Variants in RAB3IP observed in about 807,000 individuals in gnomAD.
The protein encoded by RAB3IP is RAB3A interacting protein, also known as rab-3A-interacting protein.
In RAB3IP, 36 loss-of-function variants were observed where a neutral mutation model predicts 59.1. The observed-to-expected ratio is 0.61, with a 90% CI of 0.47 to 0.80. The LOEUF (loss-of-function observed/expected upper bound fraction) is 0.80. RAB3IP is among the 30% of genes least tolerant of loss of function. The probability of loss-of-function intolerance (pLI) is 0.00; values close to 1 mark genes in which losing one functional copy is unlikely to be tolerated. For missense variants in RAB3IP, 511 were observed against 536.0 expected, an observed-to-expected ratio of 0.95 and a Z score of 0.46; for synonymous variants, 207 against 191.2, an observed-to-expected ratio of 1.08 and a Z score of -0.68.
At chr12:69,747,323 TGTGTGTGTGA>T (rs575336540) in intron 1 of RAB3IP, among the ~76,000 whole-genome samples, 245 of 145,396 alleles carry the variant, frequency 1.7e-3, no homozygotes, top group Middle Eastern at 7.1e-3. Context: ...TGTGTGTGTG[TGTGTGTGTGA>T]GAGAGAGAGA....
intron 4 of RAB3IP, 159 bp downstream of exon 4, chr12:69,784,974 A>G: frequency 2.7e-6 from 1 of 375,680 alleles, no homozygotes; most frequent in Non-Finnish European, 4.9e-6. Flanking sequence ...AGAGTTTACA[A>G]CTTAAGATGA....
intron 8 of RAB3IP, among the ~76,000 whole-genome samples, chr12:69,808,939 A>G (rs1283801017): frequency 6.6e-6 from 1 of 151,776 alleles, no homozygotes; most frequent in Non-Finnish European, 1.5e-5. Flanking sequence ...TGATCCTGTC[A>G]TTATGATGTT....
chr12:69,807,441 C>T (rs1252364970), intron 8 of RAB3IP, among the ~76,000 whole-genome samples: 2 of 148,370 alleles, frequency 1.3e-5, no homozygotes, highest in Non-Finnish European at 3.0e-5. Context: ...GGCGGAGGCG[C>T]TCCTCACATC....
Position 69,815,407 on chromosome 12 carries a change from G to GT in RAB3IP, c.1345dup (p.Ser449PhefsTer27). 1.2e-6 allele frequency: 2 copies of GT among 1,613,142 alleles called. No individual in the cohort carries two copies. The highest frequency in any genetic ancestry group is 1.7e-6 in the Non-Finnish European group (2 of 1,179,190). ...AGGTTATGCAGTTGAGAAAAGAGATGTCATTGGCAAAGCTGGGTTATTTCA... is the reference window on the plus strand; with the variant it reads ...AGGTTATGCAGTTGAGAAAAGAGATGTTCATTGGCAAAGCTGGGTTATTTCA... On this transcript the variant is annotated frameshift_variant, in exon 11 of 11. Transcript: ENST00000247833. LOFTEE classifies it high-confidence loss of function.
chr12:69,748,094 T>C (rs796867972), intron 1 of RAB3IP, among the ~76,000 whole-genome samples: 1 of 151,616 alleles, frequency 6.6e-6, no homozygotes, highest in African/African-American at 2.4e-5. Flanking sequence ...TTTCTAAAAT[T>C]AAAATTCTAT....
chr12:69,799,910 T>C (rs1319265188), intron 6 of RAB3IP, among the ~76,000 whole-genome samples: 1 of 152,048 alleles, frequency 6.6e-6, no homozygotes, highest in Non-Finnish European at 1.5e-5. Flanking sequence ...GTGAGGATAA[T>C]AGTAGTGTTA....
intron 1 of RAB3IP, chr12:69,739,992 A>G (rs1887146554): frequency 2.3e-6 from 2 of 851,510 alleles, no homozygotes; most frequent in Non-Finnish European, 3.8e-6. Context: ...TTTCACCCCA[A>G]CTCCTTCCGT....
intron 2 of RAB3IP, 81 bp from the exon 3 acceptor site, chr12:69,756,324 C>T (rs989866222): frequency 1.4e-6 from 2 of 1,428,884 alleles, no homozygotes; most frequent in African/African-American, 2.9e-5. Context: ...TTGGGTAGTA[C>T]AGTTCTAGAG....
intron 1 of RAB3IP, among the ~76,000 whole-genome samples, chr12:69,751,228 G>A (rs926821213): frequency 6.6e-6 from 1 of 152,126 alleles, no homozygotes; most frequent in Non-Finnish European, 1.5e-5. Context: ...CCTTTTTGAT[G>A]TTCAGATTGT....
chr12:69,749,418 T>C (rs1248328169), intron 1 of RAB3IP, among the ~76,000 whole-genome samples: 1 of 152,184 alleles, frequency 6.6e-6, no homozygotes, highest in Non-Finnish European at 1.5e-5. Flanking sequence ...GCCAAAAAGG[T>C]TGGGGACTGC....
At chr12:69,772,017 G>A (rs932750300) in intron 3 of RAB3IP, among the ~76,000 whole-genome samples, 3 of 152,070 alleles carry the variant, frequency 2.0e-5, no homozygotes, top group South Asian at 4.1e-4. Flanking sequence ...AGTTGTTTCC[G>A]TTTCTGGGAG....
chr12:69,821,587 T>A lies in RAB3IP; in HGVS notation c.*6141T>A, dbSNP rs1056548637. The A allele has an allele frequency of 6.6e-6, 1 of 152,258 alleles. No individual in the cohort carries two copies. Among genetic ancestry groups the A allele is most frequent in the African/African-American group, 2.4e-5 (1 of 41,468 alleles). The allele number at this position is 152,258 out of a possible 1,614,324, so 9.4% of individuals were successfully genotyped here. A position where few individuals can be genotyped will look rare whatever the true frequency, so the allele number is the denominator to read the frequency against. On this transcript the variant is annotated 3_prime_UTR_variant, in exon 11 of 11. Coordinates refer to ENST00000247833, the MANE Select transcript of RAB3IP (RefSeq NM_022456.5). Reference sequence around the variant, plus strand: ...CATTGTGTTTTCACACAATGTGCTATTTGTCCTTCACAGTGTTTTGGTTTA... The same window carrying A: ...CATTGTGTTTTCACACAATGTGCTAATTGTCCTTCACAGTGTTTTGGTTTA...
chr12:69,811,273 A>C (rs1880414740), intron 8 of RAB3IP, among the ~76,000 whole-genome samples: 1 of 152,158 alleles, frequency 6.6e-6, no homozygotes, highest in African/African-American at 2.4e-5. Context: ...AGGAAGAATA[A>C]TGGATACTTA....
chr12:69,783,565 G>A (rs946484908), intron 3 of RAB3IP, among the ~76,000 whole-genome samples: 1 of 152,134 alleles, frequency 6.6e-6, no homozygotes, highest in Non-Finnish European at 1.5e-5. Flanking sequence ...TTAGAGCTTC[G>A]TAGCACTCTT....
intron 4 of RAB3IP, among the ~76,000 whole-genome samples, chr12:69,787,274 G>A (rs565702738): frequency 1.3e-5 from 2 of 151,970 alleles, no homozygotes; most frequent in Admixed American, 6.6e-5. Context: ...TTCTTCTAAC[G>A]CCTCCAATTT....
At chr12:69,807,533 C>CGA (rs1879615313) in intron 8 of RAB3IP, among the ~76,000 whole-genome samples, 2 of 141,410 alleles carry the variant, frequency 1.4e-5, no homozygotes, top group African/African-American at 2.7e-5. Flanking sequence ...ACCTCCCAGA[C>CGA]AGGGTGGCTG....
chr12:69,754,724 A>T (rs1454101029), intron 1 of RAB3IP, among the ~76,000 whole-genome samples: 1 of 152,208 alleles, frequency 6.6e-6, no homozygotes, highest in Non-Finnish European at 1.5e-5. Flanking sequence ...GCCTTCAAAC[A>T]TGTTGTACAT....
intron 1 of RAB3IP, among the ~76,000 whole-genome samples, chr12:69,754,629 A>G (rs1358065024): frequency 1.3e-5 from 2 of 152,124 alleles, no homozygotes; most frequent in Non-Finnish European, 1.5e-5. Context: ...GCAGAGAGTA[A>G]ATGTTGAGTT....
intron 3 of RAB3IP, among the ~76,000 whole-genome samples, chr12:69,782,097 A>C (rs11177843): frequency 0.025 from 3,831 of 152,302 alleles, 81 homozygotes; most frequent in East Asian, 0.065. Context: ...CACAGTTACA[A>C]CACCACTAAC....
Sources: gnomAD v4.1 joint callset for allele counts (sites outside exome capture counted in the v4.1 genomes callset) on GRCh38, gnomAD v4.1.1 for gene constraint, MANE v1.5 for transcripts, NCBI Gene and HGNC (gene_info 2026-07-23, HGNC 2026-07-21) for gene names.